The following AGBL1 variants were observed in gnomAD, a reference collection of about 807,000 sequenced individuals.
AGBL1 encodes the protein cytosolic carboxypeptidase 4.
AGBL1 carries 130 observed loss-of-function variants against 118.9 expected under a neutral mutation model. The observed-to-expected ratio is 1.09, with a 90% CI of 0.95 to 1.26. The LOEUF (loss-of-function observed/expected upper bound fraction) is 1.26. Ranked by LOEUF, AGBL1 falls within the 50% of genes most tolerant of loss-of-function variation. AGBL1 has a pLI of 0.00. For missense variants in AGBL1, 1,584 were observed against 1,298.1 expected (o/e 1.22, Z -3.38); for synonymous variants, 555 against 478.9 (o/e 1.16, Z -2.08).
chr15:86,728,158 C>A (rs1412816915), intron 22 of AGBL1, among the ~76,000 whole-genome samples: 1 of 152,140 alleles, frequency 6.6e-6, no homozygotes, highest in African/African-American at 2.4e-5. Flanking sequence ...AAAGGATGTA[C>A]CTATTTTATA....
chr15:86,791,728 TTATATATATA>T (rs3059670), intron 22 of AGBL1, among the ~76,000 whole-genome samples: 1 of 142,874 alleles, frequency 7.0e-6, no homozygotes, highest in East Asian at 2.0e-4. Context: ...TCCTTGTTTT[TTATATATATA>T]TATATATATA....
chr15:86,428,317 C>A, intron 18 of AGBL1, among the ~76,000 whole-genome samples: 1 of 152,274 alleles, frequency 6.6e-6, no homozygotes, highest in South Asian at 2.1e-4. Context: ...AATACCTGGG[C>A]TCTAGGAACC....
At chr15:86,202,099 C>T (rs570790338) in intron 5 of AGBL1, among the ~76,000 whole-genome samples, 2 of 152,222 alleles carry the variant, frequency 1.3e-5, no homozygotes, top group Admixed American at 1.3e-4. Context: ...TCGACACCAG[C>T]CTGGCCAACA....
At chr15:86,528,121 G>C (rs2083292378) in intron 19 of AGBL1, among the ~76,000 whole-genome samples, 1 of 152,208 alleles carries the variant, frequency 6.6e-6, no homozygotes, top group South Asian at 2.1e-4. Flanking sequence ...TGGCCGAATA[G>C]GAACAGCTCC....
chr15:86,181,444 A>C (rs528289044), intron 5 of AGBL1, among the ~76,000 whole-genome samples: 1 of 152,100 alleles, frequency 6.6e-6, no homozygotes, highest in African/African-American at 2.4e-5. Flanking sequence ...CATTGTATTA[A>C]ATTCCAGAAA....
chr15:86,508,745 A>T (rs2083015123), intron 18 of AGBL1, among the ~76,000 whole-genome samples: 1 of 152,158 alleles, frequency 6.6e-6, no homozygotes. Context: ...ATTGAAGCAG[A>T]TTCAATAAAC....
chr15:86,257,620 G>A (rs552723008), intron 8 of AGBL1, among the ~76,000 whole-genome samples: 4 of 152,272 alleles, frequency 2.6e-5, no homozygotes, highest in East Asian at 1.9e-4. Context: ...AACACATTTC[G>A]TTTGTGTGTG....
chr15:86,382,191 G>A (rs980480703), intron 17 of AGBL1, among the ~76,000 whole-genome samples: 5 of 151,712 alleles, frequency 3.3e-5, no homozygotes, highest in Non-Finnish European at 5.9e-5. Context: ...CCTGTGCAGG[G>A]TTGACACATC....
At chr15:86,301,657 T>C (rs1413713919) in intron 17 of AGBL1, among the ~76,000 whole-genome samples, 2 of 144,272 alleles carry the variant, frequency 1.4e-5, no homozygotes, top group South Asian at 2.3e-4. Context: ...TGTGTGTGTG[T>C]GTGTGTGTGT....
At chr15:86,862,210 T>C (rs561942790) in intron 22 of AGBL1, among the ~76,000 whole-genome samples, 6 of 152,266 alleles carry the variant, frequency 3.9e-5, no homozygotes, top group South Asian at 2.1e-4. Flanking sequence ...TTATAGGTCA[T>C]TGGGAAAGTG....
At chr15:86,649,700 T>TG (rs1406884111) in intron 21 of AGBL1, among the ~76,000 whole-genome samples, 2 of 143,636 alleles carry the variant, frequency 1.4e-5, no homozygotes, top group African/African-American at 5.6e-5. Flanking sequence ...AGGATTAATT[T>TG]GGGTTTTTTT....
At chr15:86,337,946 C>T (rs1459230223) in intron 17 of AGBL1, among the ~76,000 whole-genome samples, 5 of 152,138 alleles carry the variant, frequency 3.3e-5, no homozygotes, top group African/African-American at 1.2e-4. Context: ...AAATATTTAT[C>T]AAGTGTCTGG....
intron 22 of AGBL1, among the ~76,000 whole-genome samples, chr15:86,681,622 T>A (rs2085958836): frequency 6.6e-6 from 1 of 152,234 alleles, no homozygotes; most frequent in African/African-American, 2.4e-5. Flanking sequence ...TCTATTCATT[T>A]TGAATCATGA....
At chr15:86,165,365 C>T (rs1342077115) in intron 5 of AGBL1, among the ~76,000 whole-genome samples, 2 of 152,246 alleles carry the variant, frequency 1.3e-5, no homozygotes, top group East Asian at 3.9e-4. Flanking sequence ...TGTCCTGCTT[C>T]TCTTCTCCCT....
Position 86,264,358 on chromosome 15 carries a change from A to T in AGBL1, c.1187A>T (p.Tyr396Phe). ...PAAASSKQHCYSKDQSSCGQE... is the reference protein window; with the variant it reads ...PAAASSKQHCFSKDQSSCGQE... ...GCTGCCTCCTCAAAACAGCATTGCT[A>T]CAGCAAGGACCAAAGCTCCTGTGGG... The change falls in exon 11 of 23, where the codon TAC becomes TTC. Residue 396 changes from tyrosine to phenylalanine, a missense_variant. Coordinates refer to ENST00000614907, the MANE Select transcript of AGBL1 (RefSeq NM_001386094.1). The T allele has an allele frequency of 6.2e-7, 1 of 1,613,566 alleles. No individual in the cohort carries two copies. The highest frequency in any genetic ancestry group is 8.5e-7 in the Non-Finnish European group (1 of 1,179,672).
intron 22 of AGBL1, among the ~76,000 whole-genome samples, chr15:86,887,323 T>G (rs1014457305): frequency 1.3e-5 from 2 of 152,128 alleles, no homozygotes; most frequent in Non-Finnish European, 2.9e-5. Flanking sequence ...ACTTTTAAAC[T>G]CTTCCTATTA....
At chr15:86,493,305 C>A (rs1046273165) in intron 18 of AGBL1, among the ~76,000 whole-genome samples, 30 of 152,030 alleles carry the variant, frequency 2.0e-4, no homozygotes, top group African/African-American at 7.2e-4. Context: ...ATGCCACTCA[C>A]TTTCTTGTTT....
intron 17 of AGBL1, among the ~76,000 whole-genome samples, chr15:86,382,294 C>T (rs1217084564): frequency 6.6e-6 from 1 of 152,116 alleles, no homozygotes; most frequent in Non-Finnish European, 1.5e-5. Flanking sequence ...ACGAAGGGGC[C>T]AGAAATAAGT....
chr15:86,210,659 C>G (rs763196874), intron 5 of AGBL1, among the ~76,000 whole-genome samples: 4 of 152,192 alleles, frequency 2.6e-5, no homozygotes, highest in Non-Finnish European at 4.4e-5. Flanking sequence ...TGGTTTTCAG[C>G]TCCATCAGGT....
Sources: allele counts gnomAD v4.1 joint callset (sites outside exome capture counted in the v4.1 genomes callset), GRCh38; gene constraint gnomAD v4.1.1; transcripts MANE v1.5; gene names NCBI Gene and HGNC (gene_info 2026-07-23, HGNC 2026-07-21).